Variants in KDM5A observed in about 807,000 individuals in gnomAD.
KDM5A encodes the protein lysine-specific demethylase 5A.
A neutral mutation model predicts 193.5 loss-of-function variants in KDM5A; 42 were observed. The ratio of observed to expected loss-of-function variants is 0.22; its 90% CI spans 0.17 to 0.28. The LOEUF (loss-of-function observed/expected upper bound fraction) is 0.28, where lower values mean the gene tolerates loss of function less well. KDM5A is among the 10% of genes least tolerant of loss of function. KDM5A has a pLI of 1.00. For missense variants in KDM5A, 1,692 were observed against 2,055.1 expected (o/e 0.82, Z 3.42); for synonymous variants, 796 against 718.1 (o/e 1.11, Z -1.73).
chr12:381,622 G>A (rs1358995589), intron 3 of KDM5A, among the ~76,000 whole-genome samples: 1 of 151,924 alleles, frequency 6.6e-6, no homozygotes, highest in Non-Finnish European at 1.5e-5. Flanking sequence ...TAGTACCATA[G>A]GTTTTCATAT....
At chr12:311,759 C>T (rs758985697) in intron 20 of KDM5A, among the ~76,000 whole-genome samples, 3 of 152,082 alleles carry the variant, frequency 2.0e-5, no homozygotes, top group African/African-American at 2.4e-5. Context: ...CCAGGCCAGG[C>T]GCGGTGGCTC....
At chr12:310,799 T>C in intron 21 of KDM5A, 86 bp downstream of exon 21, 3 of 1,371,628 alleles carry the variant, frequency 2.2e-6, no homozygotes, top group Admixed American at 1.7e-5. Context: ...TGTATAATGG[T>C]AATCAGATAA....
chr12:365,830 C>T lies in KDM5A; in HGVS notation c.537+104G>A, dbSNP rs1944350034. 5.9e-6 allele frequency: 6 copies of T among 1,023,212 alleles called. No homozygotes were observed. The South Asian group carries it at 7.6e-5, about 13-fold the overall frequency. 63.4% of individuals were successfully genotyped at this position (1,023,212 alleles called of 1,614,324 possible). ...TTACACTATGATATACACTTTGCTT[C>T]CCCAAATTTTGGTGCCTGCTAACTT... is the stretch of plus-strand genomic sequence containing the variant. On this transcript the variant is annotated intron_variant, in intron 4 of 27. Coordinates refer to ENST00000399788, the MANE Select transcript of KDM5A (RefSeq NM_001042603.3).
Position 307,519 on chromosome 12 carries a change from G to A in KDM5A, c.3865C>T (p.Arg1289Ter). ...LSQRMVEQAA[R>*]EKTEKIISAE... ...CTGATGATCTTTTCAGTTTTTTCTCGAGCCGCCTGTTCCACCATACGCTGG... is the reference window on the plus strand; with the variant it reads ...CTGATGATCTTTTCAGTTTTTTCTCAAGCCGCCTGTTCCACCATACGCTGG... The change falls in exon 23 of 28, where the codon CGA becomes TGA. Residue 1289 changes from arginine to a stop codon, truncating the protein, a stop_gained. Transcript: ENST00000399788. LOFTEE classifies it high-confidence loss of function. The surrounding 1 kb of genome is among the most constrained non-coding windows in gnomAD (Gnocchi z 4.3). 6.2e-7 allele frequency: 1 copy of A among 1,613,816 alleles called. No individual in the cohort carries two copies. The highest frequency in any genetic ancestry group is 8.5e-7 in the Non-Finnish European group (1 of 1,180,008).
chr12:285,017 C>T lies in KDM5A; in HGVS notation c.*439G>A. The T allele has an allele frequency of 3.7e-6, 1 of 270,270 alleles. No homozygotes were observed. The highest frequency in any genetic ancestry group is 7.2e-6 in the Non-Finnish European group (1 of 139,576). 16.7% of individuals were successfully genotyped at this position (270,270 alleles called of 1,614,324 possible). A position where few individuals can be genotyped will look rare whatever the true frequency, so the allele number is the denominator to read the frequency against. ...GTGGAAGGAAAGTGGTACTCCAATC[C>T]CTCTCCAACTATCCCAATGAAGGAG... On this transcript the variant is annotated 3_prime_UTR_variant, in exon 28 of 28. Transcript: ENST00000399788.
At chr12:285,722 G>A (rs1005003488) in intron 27 of KDM5A, 60 bp from the exon 28 acceptor site, 299 of 1,462,742 alleles carry the variant, frequency 2.0e-4, no homozygotes, top group Non-Finnish European at 2.6e-4. Flanking sequence ...TAGAATAAAA[G>A]CAAACCAAAG....
intron 6 of KDM5A, among the ~76,000 whole-genome samples, chr12:355,819 A>C (rs189738798): frequency 8.5e-5 from 13 of 152,328 alleles, no homozygotes; most frequent in Non-Finnish European, 1.6e-4. Context: ...GTAGCATTTC[A>C]TTAAGTTCTC....
At chr12:354,515 T>C (rs1457357854) in intron 7 of KDM5A, among the ~76,000 whole-genome samples, 1 of 152,182 alleles carries the variant, frequency 6.6e-6, no homozygotes, top group Non-Finnish European at 1.5e-5. Context: ...ACGCCTGTAA[T>C]CCCAGCACTT....
intron 1 of KDM5A, chr12:387,354 TTAAG>T (rs1183153944): frequency 1.2e-5 from 3 of 241,960 alleles, no homozygotes; most frequent in African/African-American, 2.4e-5. Context: ...CAGCATTTTT[TTAAG>T]TAAAAAAACT....
chr12:374,972 T>C (rs371963178), intron 3 of KDM5A, among the ~76,000 whole-genome samples: 9 of 152,194 alleles, frequency 5.9e-5, no homozygotes, highest in African/African-American at 2.2e-4. Flanking sequence ...CTTCCCTTTG[T>C]GGGTAACCCG....
chr12:289,452 A>C (rs1943260757), intron 27 of KDM5A, among the ~76,000 whole-genome samples: 1 of 152,102 alleles, frequency 6.6e-6, no homozygotes, highest in African/African-American at 2.4e-5. Flanking sequence ...AATCTTTTAC[A>C]TTATTCTGGT....
intron 18 of KDM5A, 45 bp downstream of exon 18, chr12:320,950 C>T: frequency 7.8e-7 from 1 of 1,284,066 alleles, no homozygotes; most frequent in Non-Finnish European, 1.1e-6. Flanking sequence ...AACAGTGGAC[C>T]ATGTCACAAA....
At position 389,111 on chromosome 12, in the gene KDM5A, G is replaced by A. The variant is rs764749085; in HGVS notation, c.-20C>T. The A allele has an allele frequency of 5.0e-6, 8 of 1,603,484 alleles. No individual in the cohort carries two copies. The highest frequency in any genetic ancestry group is 1.3e-5 in the African/African-American group (1 of 74,680). On this transcript the variant is annotated 5_prime_UTR_variant, in exon 1 of 28. Transcript: ENST00000399788. Reference sequence around the variant, plus strand: ...CGCCATTGCAACGGCCGGGGGGGGGGGGGGGTCCCCGTGGGGAACCGGTGG... The same window carrying A: ...CGCCATTGCAACGGCCGGGGGGGGGAGGGGGTCCCCGTGGGGAACCGGTGG...
Position 280,083 on chromosome 12 carries a change from T to C in KDM5A, c.*5373A>G. On this transcript the variant is annotated 3_prime_UTR_variant, in exon 28 of 28. Coordinates refer to ENST00000399788, the MANE Select transcript of KDM5A (RefSeq NM_001042603.3). Reference sequence around the variant, plus strand: ...AAATATTAAATCAAGTCTTTCTTCCTACCAAAGTAGAAATACACTTTACAG... The same window carrying C: ...AAATATTAAATCAAGTCTTTCTTCCCACCAAAGTAGAAATACACTTTACAG... The C allele has an allele frequency of 4.5e-6, 1 of 221,632 alleles. No homozygotes were observed. Among genetic ancestry groups the C allele is most frequent in the Non-Finnish European group, 9.0e-6 (1 of 110,778 alleles). 13.7% of individuals were successfully genotyped at this position (221,632 alleles called of 1,614,324 possible).
chr12:332,079 G>A, intron 12 of KDM5A, 141 bp from the exon 13 acceptor site: 1 of 763,374 alleles, frequency 1.3e-6, no homozygotes, highest in African/African-American at 1.7e-5. Context: ...ATCAGAAAAT[G>A]ATATCAGAAA....
rs146960356 is a variant in KDM5A at position 311,733 on chromosome 12, G to A, written c.3037-669C>T. ...CCAGAAAAACTCAACAGAAAAGAAA[G>A]TAAAAGAGAAGACACCCAGGCCAGG... is the stretch of plus-strand genomic sequence containing the variant. On this transcript the variant is annotated intron_variant, in intron 20 of 27. Coordinates refer to ENST00000399788, the MANE Select transcript of KDM5A (RefSeq NM_001042603.3). Among the ~76,000 whole-genome samples, 1,049 of 150,644 alleles carry A rather than the reference G, an allele frequency of 7.0e-3. 18 individuals carry two copies. The highest frequency in any genetic ancestry group is 0.025 in the African/African-American group (1,021 of 41,024).
In KDM5A at chr12:333,585, T is replaced by C. The variant is rs2137425012; in HGVS notation, c.1555A>G (p.Arg519Gly). 1.2e-6 allele frequency: 2 copies of C among 1,614,142 alleles called. No individual in the cohort carries two copies. The highest frequency in any genetic ancestry group is 1.7e-6 in the Non-Finnish European group (2 of 1,180,004). Residue 519 changes from arginine (R) to glycine (G), a missense_variant, in exon 12 of 28, where the codon AGA (arginine) becomes GGA (glycine). Transcript: ENST00000399788. ...HAAEQLEEVMRELAPELFESQ... is the reference protein window; with the variant it reads ...HAAEQLEEVMGELAPELFESQ... ...TCAAATAACTCGGGGGCCAGCTCTC[T>C]CATCACCTCCTCCAGTTGCTCTGCA... is the stretch of plus-strand genomic sequence containing the variant.
rs138965820 is a variant in KDM5A at position 350,522 on chromosome 12, C to T, written c.1308+99G>A. On this transcript the variant is annotated intron_variant, in intron 10 of 27. Coordinates refer to ENST00000399788, the MANE Select transcript of KDM5A (RefSeq NM_001042603.3). Reference sequence around the variant, plus strand: ...AGATTATTTATACTGCCAAATCCTACGTATTTAATATTTTAAGTTAATGTG... The same window carrying T: ...AGATTATTTATACTGCCAAATCCTATGTATTTAATATTTTAAGTTAATGTG... The T allele has an allele frequency of 1.9e-3, 2,126 of 1,143,346 alleles. 31 individuals carry two copies. The East Asian group carries it at 0.035, about 19-fold the overall frequency. The allele number at this position is 1,143,346 out of a possible 1,614,324, so 70.8% of individuals were successfully genotyped here. A position where few individuals can be genotyped will look rare whatever the true frequency, so the allele number is the denominator to read the frequency against.
At chr12:364,085 T>A (rs566456772) in intron 4 of KDM5A, among the ~76,000 whole-genome samples, 1 of 152,338 alleles carries the variant, frequency 6.6e-6, no homozygotes, top group South Asian at 2.1e-4. Flanking sequence ...ATACCAAGTG[T>A]TGACCAGGAT....
Sources: gnomAD v4.1 joint callset for allele counts (sites outside exome capture counted in the v4.1 genomes callset) on GRCh38, gnomAD v4.1.1 for gene constraint, Gnocchi (gnomAD v3.1) non-coding constraint, MANE v1.5 for transcripts, NCBI Gene and HGNC (gene_info 2026-07-23, HGNC 2026-07-21) for gene names.